MERTK: variants seen among roughly 807,000 people sequenced by gnomAD.
The protein encoded by MERTK is tyrosine-protein kinase Mer.
In MERTK, 69 loss-of-function variants were observed where a neutral mutation model predicts 99.3. The ratio of observed to expected loss-of-function variants is 0.70; its 90% CI spans 0.57 to 0.85. The LOEUF (loss-of-function observed/expected upper bound fraction) is 0.85. MERTK is among the 40% of genes least tolerant of loss of function. The pLI is 0.00. For synonymous variants in MERTK, 426 were observed against 467.6 expected, an observed-to-expected ratio of 0.91 and a Z score of 1.15; for missense variants, 1,125 against 1,249.4, an observed-to-expected ratio of 0.90 and a Z score of 1.50.
At chr2:111,901,548 T>C (rs1672917037) in intron 1 of MERTK, among the ~76,000 whole-genome samples, 1 of 142,600 alleles carries the variant, frequency 7.0e-6, no homozygotes, top group Admixed American at 7.0e-5. Flanking sequence ...ATTCTTTTCT[T>C]TTCTTTCTTT....
chr2:111,995,596 G>A (rs975784017), intron 9 of MERTK: 3 of 188,356 alleles, frequency 1.6e-5, no homozygotes, highest in Non-Finnish European at 3.4e-5. Context: ...CAGTTTCTGG[G>A]AAACATTAGT....
At position 111,997,367 on chromosome 2, in the gene MERTK, G is replaced by A. The variant is rs147206385; in HGVS notation, c.1495G>A (p.Ala499Thr). Residue 499 changes from alanine to threonine, a missense_variant, in exon 10 of 19, where the codon GCA becomes ACA. By Grantham distance (58) the Ala-to-Thr change is moderately conservative (BLOSUM62 0). Transcript: ENST00000295408. ...APSSTPAPGN[A>T]DPVLIIFGCF... ...CTCTTCAACTCCGGCGCCTGGCAAC[G>A]CAGATCCTGTGCTCATCATCTTTGG... 92 of 1,614,156 alleles carry A rather than the reference G, an allele frequency of 5.7e-5. No homozygotes were observed. Among genetic ancestry groups the A allele is most frequent in the Admixed American group, 4.8e-4 (29 of 60,026 alleles).
At chr2:112,019,910 T>G (rs1558810075) in intron 16 of MERTK, among the ~76,000 whole-genome samples, 1 of 152,192 alleles carries the variant, frequency 6.6e-6, no homozygotes, top group Non-Finnish European at 1.5e-5. Flanking sequence ...TCACAACACT[T>G]CCTTAGGAAG....
intron 13 of MERTK, among the ~76,000 whole-genome samples, chr2:112,007,801 G>A (rs1677015408): frequency 6.6e-6 from 1 of 151,930 alleles, no homozygotes; most frequent in Admixed American, 6.6e-5. Flanking sequence ...TTTAAAAAAA[G>A]CAAATATAAT....
chr2:111,913,373 A>G (rs1684287594), intron 1 of MERTK, among the ~76,000 whole-genome samples: 1 of 152,152 alleles, frequency 6.6e-6, no homozygotes, highest in South Asian at 2.1e-4. Flanking sequence ...ATTTATACCT[A>G]AGTATTTCAC....
At chr2:111,910,559 C>CTG (rs1473545616) in intron 1 of MERTK, among the ~76,000 whole-genome samples, 28 of 151,120 alleles carry the variant, frequency 1.9e-4, no homozygotes, top group East Asian at 1.2e-3. Flanking sequence ...CATGAGCCAC[C>CTG]TCACCCGGCT....
intron 14 of MERTK, 33 bp from the exon 15 acceptor site, chr2:112,009,915 T>A: frequency 6.7e-7 from 1 of 1,500,288 alleles, no homozygotes; most frequent in African/African-American, 1.4e-5. Context: ...TAACAAGGAC[T>A]CTTTGTAATT....
At chr2:111,984,966 A>G (rs907065248) in intron 8 of MERTK, among the ~76,000 whole-genome samples, 16 of 152,180 alleles carry the variant, frequency 1.1e-4, no homozygotes, top group African/African-American at 3.6e-4. Flanking sequence ...GGGAGCATCA[A>G]TATGTCAGGT....
intron 2 of MERTK, among the ~76,000 whole-genome samples, chr2:111,937,940 T>G (rs1242000243): frequency 6.6e-6 from 1 of 152,054 alleles, no homozygotes; most frequent in East Asian, 1.9e-4. Context: ...TAACATAAAG[T>G]CCCCCATTTC....
intron 1 of MERTK, among the ~76,000 whole-genome samples, chr2:111,928,157 A>G (rs1684601927): frequency 6.7e-6 from 1 of 148,680 alleles, no homozygotes; most frequent in South Asian, 2.1e-4. Flanking sequence ...ACTTAAGAAC[A>G]CTTTTTTTGT....
chr2:111,960,699 A>G (rs1006437513), intron 4 of MERTK, among the ~76,000 whole-genome samples: 2 of 151,878 alleles, frequency 1.3e-5, no homozygotes, highest in Non-Finnish European at 2.9e-5. Context: ...TTTAAGCAAA[A>G]ACTTTCAAAT....
At chr2:111,934,560 A>T (rs1309459767) in intron 2 of MERTK, among the ~76,000 whole-genome samples, 1 of 151,734 alleles carries the variant, frequency 6.6e-6, no homozygotes, top group African/African-American at 2.4e-5. Context: ...CCACTTTTTG[A>T]TGGGGTCGTT....
At position 111,965,216 on chromosome 2, in the gene MERTK, T is replaced by C. The variant is rs930035628; in HGVS notation, c.783T>C (p.Ser261=). The part of the protein sequence containing the change: ...VPGLTEMAVF[S]CEAHNDKGLT... ...GCCTGACGGAGATGGCGGTCTTCAG[T>C]TGTGAGGCCCACAATGACAAAGGGC... is the stretch of plus-strand genomic sequence containing the variant. The change falls in exon 5 of 19, where the codon AGT becomes AGC. Residue 261 remains serine (S), a synonymous_variant. Coordinates refer to ENST00000295408, the MANE Select transcript of MERTK (RefSeq NM_006343.3). 1.2e-6 allele frequency: 2 copies of C among 1,614,116 alleles called. No individual in the cohort carries two copies. Among genetic ancestry groups the C allele is most frequent in the Non-Finnish European group, 1.7e-6 (2 of 1,180,044 alleles).
chr2:111,953,477 G>T (rs1394450181), intron 4 of MERTK, among the ~76,000 whole-genome samples: 1 of 152,160 alleles, frequency 6.6e-6, no homozygotes, highest in Non-Finnish European at 1.5e-5. Flanking sequence ...GTGAAGGCCT[G>T]GAGGAGTAAT....
At chr2:111,911,523 G>A (rs1684248149) in intron 1 of MERTK, among the ~76,000 whole-genome samples, 1 of 151,516 alleles carries the variant, frequency 6.6e-6, no homozygotes, top group African/African-American at 2.4e-5. Flanking sequence ...CGAGTAGTTG[G>A]GATTACAGGT....
chr2:111,899,368 C>G (rs112369531), intron 1 of MERTK, among the ~76,000 whole-genome samples: 1 of 152,222 alleles, frequency 6.6e-6, no homozygotes, highest in African/African-American at 2.4e-5. Context: ...CCAATGGGCC[C>G]TTACGGGCAT....
At chr2:112,022,188 C>G in intron 17 of MERTK, 70 bp from the exon 18 acceptor site, 7 of 1,603,734 alleles carry the variant, frequency 4.4e-6, no homozygotes, top group Non-Finnish European at 5.1e-6. Context: ...AATGACCTTT[C>G]CCAGTGAAAA....
At chr2:112,013,054 T>C (rs1314230907) in intron 15 of MERTK, among the ~76,000 whole-genome samples, 1 of 152,048 alleles carries the variant, frequency 6.6e-6, no homozygotes, top group Non-Finnish European at 1.5e-5. Context: ...TTACTCTTTC[T>C]CTTCTTCCTA....
Position 112,028,426 on chromosome 2 carries a change from A to AC in MERTK, c.2562_2563insC (p.Glu855ArgfsTer9), listed in dbSNP as rs1677513894. 6.2e-7 allele frequency: 1 copy of AC among 1,614,084 alleles called. No individual in the cohort carries two copies. Among genetic ancestry groups the AC allele is most frequent in the East Asian group, 2.2e-5 (1 of 44,904 alleles). The stretch of plus-strand genomic sequence containing the variant: ...CCTTTTCAGTATTGAGGCTGCAGCT[A>AC]GAAAAACTCTTAGAAAGTTTGCCTG... On this transcript the variant is annotated frameshift_variant, in exon 19 of 19. Coordinates refer to ENST00000295408, the MANE Select transcript of MERTK (RefSeq NM_006343.3). LOFTEE classifies it low-confidence loss of function (END_TRUNC).
Sources: allele counts gnomAD v4.1 joint callset (sites outside exome capture counted in the v4.1 genomes callset), GRCh38; gene constraint gnomAD v4.1.1; transcripts MANE v1.5; gene names NCBI Gene and HGNC (gene_info 2026-07-23, HGNC 2026-07-21).